CADM1: variants seen among roughly 807,000 people sequenced by gnomAD.
CADM1 encodes the protein cell adhesion molecule 1.
CADM1 carries 15 observed loss-of-function variants against 53.1 expected under a neutral mutation model. The observed-to-expected ratio is 0.28, with a 90% CI of 0.19 to 0.44. CADM1 has a LOEUF of 0.44. CADM1 is among the 20% of genes least tolerant of loss of function. The probability of loss-of-function intolerance (pLI) is 1.00; values close to 1 mark genes in which losing one functional copy is unlikely to be tolerated. For missense variants in CADM1, 434 were observed against 611.3 expected (o/e 0.71, Z 3.06); for synonymous variants, 281 against 243.0 (o/e 1.16, Z -1.45).
chr11:115,429,318 A>G (rs1479952699), intron 1 of CADM1, among the ~76,000 whole-genome samples: 1 of 152,152 alleles, frequency 6.6e-6, no homozygotes, highest in Admixed American at 6.5e-5. Flanking sequence ...ATTATTCTAA[A>G]AGATCCTGGC....
chr11:115,391,459 G>C (rs1313833149), intron 1 of CADM1, among the ~76,000 whole-genome samples: 1 of 152,124 alleles, frequency 6.6e-6, no homozygotes, highest in Non-Finnish European at 1.5e-5. Flanking sequence ...GGTTATGCCA[G>C]AGAATAAATA....
In CADM1 at chr11:115,504,216, G is replaced by C. The variant is rs559436699; in HGVS notation, c.124+55C>G. ...AACGTTTCCCCCCTCTGTGGCCAAG[G>C]CTACTGGGGTGCCTTCGGAGATTTA... On this transcript the variant is annotated intron_variant, in intron 1 of 11. Coordinates refer to ENST00000331581, the MANE Select transcript of CADM1 (RefSeq NM_001301043.2). The C allele has an allele frequency of 3.8e-5, 59 of 1,555,776 alleles. 1 individual carries two copies. In the Admixed American group the frequency reaches 5.6e-4, roughly 15 times the overall value.
chr11:115,246,719 TTTGTTG>T (rs558450268), intron 1 of CADM1, among the ~76,000 whole-genome samples: 1 of 152,222 alleles, frequency 6.6e-6, no homozygotes, highest in Non-Finnish European at 1.5e-5. Context: ...CTCAAAGGCT[TTTGTTG>T]TTGTTGTTTT....
chr11:115,440,805 G>T (rs1948292069), intron 1 of CADM1, among the ~76,000 whole-genome samples: 2 of 152,072 alleles, frequency 1.3e-5, no homozygotes, highest in Non-Finnish European at 2.9e-5. Flanking sequence ...TTAAGATAGG[G>T]TCTCACTCCA....
intron 1 of CADM1, among the ~76,000 whole-genome samples, chr11:115,371,641 T>A (rs566220707): frequency 1.4e-4 from 21 of 149,546 alleles, no homozygotes; most frequent in Admixed American, 1.3e-3. Flanking sequence ...AGACTGGATT[T>A]TTTTTTTTTT....
chr11:115,210,081 C>T (rs1462368957), intron 7 of CADM1, among the ~76,000 whole-genome samples: 1 of 152,130 alleles, frequency 6.6e-6, no homozygotes, highest in East Asian at 1.9e-4. Flanking sequence ...CTCATATCAG[C>T]CAAGGATGAG....
chr11:115,311,958 T>A (rs910335303), intron 1 of CADM1, among the ~76,000 whole-genome samples: 33 of 152,144 alleles, frequency 2.2e-4, no homozygotes, highest in Admixed American at 2.6e-4. Context: ...AAGGATAAGA[T>A]TTTCCTACTC....
intron 1 of CADM1, among the ~76,000 whole-genome samples, chr11:115,404,957 A>C (rs1301530902): frequency 6.6e-6 from 1 of 152,206 alleles, no homozygotes; most frequent in Non-Finnish European, 1.5e-5. Flanking sequence ...TAAATGTGAA[A>C]TGATTCTCAA....
At chr11:115,299,858 T>G (rs1005418306) in intron 1 of CADM1, among the ~76,000 whole-genome samples, 32 of 152,174 alleles carry the variant, frequency 2.1e-4, no homozygotes, top group African/African-American at 6.0e-4. Context: ...CAGAGGACCC[T>G]GCCTTGAATT....
intron 1 of CADM1, among the ~76,000 whole-genome samples, chr11:115,400,138 G>C (rs2513545): frequency 0.015 from 2,321 of 152,144 alleles, 81 homozygotes; most frequent in African/African-American, 0.052. Context: ...ATGCCAACTA[G>C]GTCTGTTGGC....
intron 1 of CADM1, among the ~76,000 whole-genome samples, chr11:115,272,386 C>T (rs1286956203): frequency 6.6e-6 from 1 of 151,636 alleles, no homozygotes; most frequent in East Asian, 1.9e-4. Context: ...GTAATGAGTT[C>T]CACATTTATT....
At chr11:115,284,599 A>C (rs907495331) in intron 1 of CADM1, among the ~76,000 whole-genome samples, 1 of 152,046 alleles carries the variant, frequency 6.6e-6, no homozygotes, top group Non-Finnish European at 1.5e-5. Context: ...ACATACTGTA[A>C]CCAAGCACAA....
intron 1 of CADM1, among the ~76,000 whole-genome samples, chr11:115,267,678 CTT>C (rs56712105): frequency 4.2e-4 from 55 of 131,298 alleles, no homozygotes; most frequent in African/African-American, 1.2e-3. Flanking sequence ...AAATTGCTTT[CTT>C]TTTTTTTTTT....
At chr11:115,203,156 T>C (rs1423175460) in intron 8 of CADM1, among the ~76,000 whole-genome samples, 1 of 152,054 alleles carries the variant, frequency 6.6e-6, no homozygotes, top group Non-Finnish European at 1.5e-5. Flanking sequence ...ATTTTTTTTT[T>C]TGGATAAGCA....
At chr11:115,391,055 A>G (rs980282901) in intron 1 of CADM1, among the ~76,000 whole-genome samples, 1 of 152,248 alleles carries the variant, frequency 6.6e-6, no homozygotes, top group Non-Finnish European at 1.5e-5. Flanking sequence ...ATAGTCATGC[A>G]ATCGACAATT....
At chr11:115,244,914 C>A (rs1480001347) in intron 1 of CADM1, among the ~76,000 whole-genome samples, 1 of 152,198 alleles carries the variant, frequency 6.6e-6, no homozygotes, top group African/African-American at 2.4e-5. Context: ...TAGAGAAAGC[C>A]TTTATTACCA....
intron 5 of CADM1, among the ~76,000 whole-genome samples, chr11:115,225,550 A>G (rs764045816): frequency 1.3e-5 from 2 of 152,160 alleles, no homozygotes; most frequent in Non-Finnish European, 1.5e-5. Flanking sequence ...TTCTCCTGGT[A>G]TCACAAATAA....
chr11:115,189,998 T>C (rs1939768666), intron 10 of CADM1, among the ~76,000 whole-genome samples: 3 of 152,326 alleles, frequency 2.0e-5, no homozygotes, highest in Admixed American at 1.3e-4. Flanking sequence ...TGCACCTCAA[T>C]AGCCAACTAT....
At chr11:115,301,704 G>A (rs559376503) in intron 1 of CADM1, among the ~76,000 whole-genome samples, 2 of 151,962 alleles carry the variant, frequency 1.3e-5, no homozygotes, top group Non-Finnish European at 2.9e-5. Context: ...TCCAGACTTC[G>A]CTGTTCATTT....
Sources: allele counts gnomAD v4.1 joint callset (sites outside exome capture counted in the v4.1 genomes callset), GRCh38; gene constraint gnomAD v4.1.1; transcripts MANE v1.5; gene names NCBI Gene and HGNC (gene_info 2026-07-23, HGNC 2026-07-21).